Variants in RAB11A observed in about 807,000 individuals in gnomAD.
RAB11A encodes RAB11A, member RAS oncogene family, also known as ras-related protein Rab-11A.
RAB11A carries 9 observed loss-of-function variants against 28.0 expected under a neutral mutation model. That is an observed-to-expected ratio of 0.32 (90% confidence interval 0.19 to 0.56). The LOEUF is 0.56. RAB11A is among the 20% of genes least tolerant of loss of function. RAB11A has a pLI of 0.91. For missense variants in RAB11A, 108 were observed against 269.6 expected (o/e 0.40, Z 4.20); for synonymous variants, 85 against 88.2 (o/e 0.96, Z 0.20).
intron 4 of RAB11A, among the ~76,000 whole-genome samples, chr15:65,886,741 A>G (rs2078258271): frequency 6.6e-6 from 1 of 152,232 alleles, no homozygotes; most frequent in African/African-American, 2.4e-5. Flanking sequence ...CACATGTTAT[A>G]TGTTGCAGTA....
In RAB11A at chr15:65,869,595, C is replaced by T. The variant is rs2141097983; in HGVS notation, c.10C>T (p.Arg4Cys). The T allele has an allele frequency of 6.2e-7, 1 of 1,611,476 alleles. No homozygotes were observed. Among genetic ancestry groups the T allele is most frequent in the Non-Finnish European group, 8.5e-7 (1 of 1,179,918 alleles). ...GCTCCTCGGCCGCGCAATGGGCACC[C>T]GCGACGACGAGTACGACTACCTCTT... MGT[R>C]DDEYDYLFKV... Residue 4 changes from arginine (R) to cysteine (C), a missense_variant, in exon 1 of 5, where the codon CGC becomes TGC. Transcript: ENST00000261890.
At chr15:65,874,546 G>A (rs1000869190) in intron 1 of RAB11A, among the ~76,000 whole-genome samples, 1 of 152,040 alleles carries the variant, frequency 6.6e-6, no homozygotes, top group Non-Finnish European at 1.5e-5. Context: ...CGGCCTAGTT[G>A]AGATAACTTT....
Position 65,877,224 on chromosome 15 carries a change from T to C in RAB11A, c.41-108T>C. 1 of 923,730 alleles carries C rather than the reference T, an allele frequency of 1.1e-6. No homozygotes were observed. Among genetic ancestry groups the C allele is most frequent in the South Asian group, 1.8e-5 (1 of 56,724 alleles). 57.2% of individuals were successfully genotyped at this position (923,730 alleles called of 1,614,324 possible). A position where few individuals can be genotyped will look rare whatever the true frequency, so the allele number is the denominator to read the frequency against. ...CTTTTTAAAAGTCATATACCTTATT[T>C]TTCTTGCTTTATTTACTCTGAAGCC... On this transcript the variant is annotated intron_variant, in intron 1 of 4. Coordinates refer to ENST00000261890, the MANE Select transcript of RAB11A (RefSeq NM_004663.5). This position sits in a 1 kb window ranked among gnomAD's most constrained non-coding sequence, Gnocchi z 4.1.
In RAB11A at chr15:65,877,260, C is replaced by A; in HGVS notation, c.41-72C>A. 1 of 1,264,796 alleles carries A rather than the reference C, an allele frequency of 7.9e-7. No homozygotes were observed. The highest frequency in any genetic ancestry group is 1.1e-6 in the Non-Finnish European group (1 of 917,554). The allele number at this position is 1,264,796 out of a possible 1,614,324, so 78.3% of individuals were successfully genotyped here. A position where few individuals can be genotyped will look rare whatever the true frequency, so the allele number is the denominator to read the frequency against. On this transcript the variant is annotated intron_variant, in intron 1 of 4. Transcript: ENST00000261890. This position sits in a 1 kb window ranked among gnomAD's most constrained non-coding sequence, Gnocchi z 4.1. ...ATTTACTCTGAAGCCAAACTTCATTCTGTTGAAAGCATAGTGGTGTTCTGA... is the reference window on the plus strand; with the variant it reads ...ATTTACTCTGAAGCCAAACTTCATTATGTTGAAAGCATAGTGGTGTTCTGA...
intron 1 of RAB11A, among the ~76,000 whole-genome samples, chr15:65,876,196 A>G (rs12904203): frequency 0.015 from 2,270 of 152,352 alleles, 23 homozygotes; most frequent in East Asian, 0.047. Flanking sequence ...ACTGCTGCCT[A>G]TAGAAATCAC....
In RAB11A at chr15:65,891,423, CTG is replaced by C. The variant is rs753576417; in HGVS notation, c.*3586_*3587del. 26 of 152,144 alleles carry C rather than the reference CTG, an allele frequency of 1.7e-4. No individual in the cohort carries two copies. Among genetic ancestry groups the C allele is most frequent in the African/African-American group, 6.0e-4 (25 of 41,418 alleles). The allele number at this position is 152,144 out of a possible 1,614,324, so 9.4% of individuals were successfully genotyped here. Reference sequence around the variant, plus strand: ...AGCATGTATTAGAAAATACGGTAAACTGTGGGTTAGAAGAGTGAAAGTAGCTG... The same window carrying C: ...AGCATGTATTAGAAAATACGGTAAACTGGGTTAGAAGAGTGAAAGTAGCTG... On this transcript the variant is annotated 3_prime_UTR_variant, in exon 5 of 5. Coordinates refer to ENST00000261890, the MANE Select transcript of RAB11A (RefSeq NM_004663.5).
chr15:65,887,710 G>T lies in RAB11A; in HGVS notation c.521G>T (p.Arg174Leu). Reference sequence around the variant, plus strand: ...TTCTTTTTTCCTTCAGAGATTTACCGCATTGTTTCTCAGAAGCAAATGTCA... The same window carrying T: ...TTCTTTTTTCCTTCAGAGATTTACCTCATTGTTTCTCAGAAGCAAATGTCA... Reference protein sequence around the residue: ...AFQTILTEIYRIVSQKQMSDR... With the variant: ...AFQTILTEIYLIVSQKQMSDR... The change falls in exon 5 of 5, where the codon CGC (arginine) becomes CTC (leucine). Residue 174 changes from arginine (R) to leucine (L), a missense_variant. Arg to Leu is a moderately radical substitution (Grantham distance 102). Transcript: ENST00000261890. 6.2e-7 allele frequency: 1 copy of T among 1,610,798 alleles called. No individual in the cohort carries two copies. Among genetic ancestry groups the T allele is most frequent in the South Asian group, 1.1e-5 (1 of 90,656 alleles).
chr15:65,887,778 C>A lies in RAB11A; in HGVS notation c.589C>A (p.Pro197Thr). The change falls in exon 5 of 5, where the codon CCT becomes ACT. Residue 197 changes from proline (P) to threonine (T), a missense_variant. Transcript: ENST00000261890. ...NDMSPSNNVVPIHVPPTTENK... is the reference protein window; with the variant it reads ...NDMSPSNNVVTIHVPPTTENK... ...CATGTCTCCAAGCAACAATGTGGTTCCTATTCATGTTCCACCAACCACTGA... is the reference window on the plus strand; with the variant it reads ...CATGTCTCCAAGCAACAATGTGGTTACTATTCATGTTCCACCAACCACTGA... 1 of 1,613,740 alleles carries A rather than the reference C, an allele frequency of 6.2e-7. No homozygotes were observed. Among genetic ancestry groups the A allele is most frequent in the Non-Finnish European group, 8.5e-7 (1 of 1,179,832 alleles).
chr15:65,870,771 G>A (rs2078155617), intron 1 of RAB11A, among the ~76,000 whole-genome samples: 1 of 152,164 alleles, frequency 6.6e-6, no homozygotes, highest in African/African-American at 2.4e-5. Flanking sequence ...TTTATTATAA[G>A]ATACGGAAAC....
chr15:65,876,585 C>T (rs1305905198), intron 1 of RAB11A, among the ~76,000 whole-genome samples: 19 of 152,316 alleles, frequency 1.2e-4, no homozygotes, highest in Admixed American at 2.6e-4. Context: ...GTGTGAGCCA[C>T]CACACCCGGC....
chr15:65,877,182 AC>A lies in RAB11A; in HGVS notation c.41-145del, dbSNP rs1366692445. 1 of 635,336 alleles carries A rather than the reference AC, an allele frequency of 1.6e-6. No homozygotes were observed. Among genetic ancestry groups the A allele is most frequent in the East Asian group, 2.8e-5 (1 of 36,140 alleles). 39.4% of individuals were successfully genotyped at this position (635,336 alleles called of 1,614,324 possible). A position where few individuals can be genotyped will look rare whatever the true frequency, so the allele number is the denominator to read the frequency against. ...TAACTGGTCAAGAACATGCTGTTCA[AC>A]CCCCTACCCCCATTCCTTTTTAAAA... On this transcript the variant is annotated intron_variant, in intron 1 of 4. Transcript: ENST00000261890. The surrounding 1 kb of genome is among the most constrained non-coding windows in gnomAD (Gnocchi z 4.1).
Position 65,879,720 on chromosome 15 carries a change from T to C in RAB11A, c.480T>C (p.Asn160=), listed in dbSNP as rs1280541748. The change falls in exon 4 of 5, where the codon AAT becomes AAC. Residue 160 remains asparagine (N), a synonymous_variant. Coordinates refer to ENST00000261890, the MANE Select transcript of RAB11A (RefSeq NM_004663.5). ...AAACTTCGGCCCTAGACTCTACAAA[T>C]GTAGAAGCTGCTTTTCAGACAATTT... The part of the protein sequence containing the change: ...FIETSALDST[N]VEAAFQTILT... 1.9e-6 allele frequency: 3 copies of C among 1,595,542 alleles called. No homozygotes were observed. The highest frequency in any genetic ancestry group is 3.3e-5 in the Admixed American group (2 of 59,798).
At position 65,877,211 on chromosome 15, in the gene RAB11A, C is replaced by A; in HGVS notation, c.41-121C>A. 1.2e-6 allele frequency: 1 copy of A among 807,264 alleles called. No individual in the cohort carries two copies. The highest frequency in any genetic ancestry group is 3.7e-4 in the Middle Eastern group (1 of 2,692). The allele number at this position is 807,264 out of a possible 1,614,324, so 50.0% of individuals were successfully genotyped here. ...CCTACCCCCATTCCTTTTTAAAAGT[C>A]ATATACCTTATTTTTCTTGCTTTAT... On this transcript the variant is annotated intron_variant, in intron 1 of 4. Transcript: ENST00000261890. The surrounding 1 kb of genome is among the most constrained non-coding windows in gnomAD (Gnocchi z 4.1).
chr15:65,880,927 C>T (rs1163918901), intron 4 of RAB11A, among the ~76,000 whole-genome samples: 3 of 151,936 alleles, frequency 2.0e-5, no homozygotes, highest in Non-Finnish European at 2.9e-5. Flanking sequence ...TCTCAGTAAC[C>T]CTTAGCAAAG....
intron 4 of RAB11A, among the ~76,000 whole-genome samples, chr15:65,882,527 C>T (rs1029588924): frequency 3.9e-5 from 6 of 152,236 alleles, no homozygotes; most frequent in Admixed American, 3.9e-4. Flanking sequence ...CATCTGCTTG[C>T]CTTGGCCTCC....
chr15:65,879,625 C>T, intron 3 of RAB11A, 46 bp from the exon 4 acceptor site: 1 of 1,452,654 alleles, frequency 6.9e-7, no homozygotes, highest in Non-Finnish European at 9.6e-7. Flanking sequence ...TATCCTATTC[C>T]TTGTTTTAAA....
At chr15:65,882,998 A>T (rs1373660840) in intron 4 of RAB11A, among the ~76,000 whole-genome samples, 1 of 152,192 alleles carries the variant, frequency 6.6e-6, no homozygotes, top group Non-Finnish European at 1.5e-5. Context: ...CTTCGCTCTA[A>T]ATATATACAT....
chr15:65,886,090 G>A (rs192857771), intron 4 of RAB11A, among the ~76,000 whole-genome samples: 64 of 152,340 alleles, frequency 4.2e-4, no homozygotes, highest in Non-Finnish European at 7.9e-4. Flanking sequence ...AGGAACTTCA[G>A]CTTCATCCTG....
At chr15:65,879,015 C>T (rs2078205460) in intron 3 of RAB11A, among the ~76,000 whole-genome samples, 1 of 143,504 alleles carries the variant, frequency 7.0e-6, no homozygotes, top group Admixed American at 7.0e-5. Flanking sequence ...TTTTTGGGAG[C>T]CAGGATCTCA....
Sources: allele counts gnomAD v4.1 joint callset (sites outside exome capture counted in the v4.1 genomes callset), GRCh38; gene constraint gnomAD v4.1.1; non-coding constraint Gnocchi (gnomAD v3.1); transcripts MANE v1.5; gene names NCBI Gene and HGNC (gene_info 2026-07-23, HGNC 2026-07-21).